Variants in PSD2 observed in about 807,000 individuals in gnomAD.
PSD2 encodes the protein pleckstrin and Sec7 domain containing 2, also known as PH and SEC7 domain-containing protein 2.
A neutral mutation model predicts 69.8 loss-of-function variants in PSD2; 38 were observed. The observed-to-expected ratio is 0.54, with a 90% confidence interval of 0.42 to 0.71. The LOEUF is 0.71. PSD2 is among the 30% of genes least tolerant of loss of function. The probability of loss-of-function intolerance (pLI) is 0.00; values close to 1 mark genes in which losing one functional copy is unlikely to be tolerated. For synonymous variants in PSD2, 412 were observed against 423.0 expected (o/e 0.97, Z 0.32); for missense variants, 943 against 1,014.5 (o/e 0.93, Z 0.96).
chr5:139,788,198 C>A, the PSD2 span, among the ~76,000 whole-genome samples: 3 of 150,484 alleles, frequency 2.0e-5, no homozygotes, highest in Non-Finnish European at 4.4e-5. Flanking sequence ...CGAACCCGTG[C>A]CCAGGCCTGG....
At chr5:139,797,802 T>A (rs1759567662) in intron 1 of PSD2, among the ~76,000 whole-genome samples, 1 of 152,178 alleles carries the variant, frequency 6.6e-6, no homozygotes, top group Admixed American at 6.5e-5. Flanking sequence ...GAGTGAGGAT[T>A]TGCACTTGGC....
chr5:139,743,238 C>A, the PSD2 span, among the ~76,000 whole-genome samples: 3 of 152,168 alleles, frequency 2.0e-5, no homozygotes, highest in African/African-American at 7.2e-5. Context: ...GGAGGCTCAC[C>A]AGCACCTTGC....
intron 7 of PSD2, among the ~76,000 whole-genome samples, chr5:139,831,014 C>T (rs1046873800): frequency 1.3e-5 from 2 of 151,914 alleles, no homozygotes; most frequent in African/African-American, 4.8e-5. Flanking sequence ...CTTCCTGTTA[C>T]TAAGAGAGCA....
At position 139,840,094 on chromosome 5, in the gene PSD2, G is replaced by T; in HGVS notation, c.2036G>T (p.Cys679Phe). ...ACTGCGGAGCTGGCCGAACACAGGT[G>T]TCACCCAGTCGAGAGGGGCATCAAG... ...QLTAELAEHR[C>F]HPVERGIKSK... Residue 679 changes from cysteine (C) to phenylalanine (F), a missense_variant, in exon 14 of 15, where the codon TGT becomes TTT. Cys to Phe is a radical substitution (Grantham distance 205). Coordinates refer to ENST00000274710, the MANE Select transcript of PSD2 (RefSeq NM_032289.4). 6.2e-7 allele frequency: 1 copy of T among 1,614,212 alleles called. No individual in the cohort carries two copies.
At chr5:139,769,669 A>T in the PSD2 span, among the ~76,000 whole-genome samples, 1 of 152,188 alleles carries the variant, frequency 6.6e-6, no homozygotes, top group Admixed American at 6.5e-5. Flanking sequence ...AGGTGAAGTG[A>T]GTCATAGATG....
chr5:139,754,607 G>A, the PSD2 span, among the ~76,000 whole-genome samples: 2 of 152,088 alleles, frequency 1.3e-5, no homozygotes, highest in Non-Finnish European at 2.9e-5. Flanking sequence ...TGAGGTGGGA[G>A]GATTGCTTGA....
chr5:139,767,203 C>T, the PSD2 span, among the ~76,000 whole-genome samples: 3 of 151,626 alleles, frequency 2.0e-5, no homozygotes, highest in Non-Finnish European at 4.4e-5. Flanking sequence ...CCGTGTTAGC[C>T]AGGATGGTCT....
At chr5:139,794,967 CT>C (rs1759482957), upstream of PSD2, among the ~76,000 whole-genome samples, 1 of 152,116 alleles carries the variant, frequency 6.6e-6, no homozygotes, top group Non-Finnish European at 1.5e-5. Context: ...TTGACTTGCC[CT>C]TGGGGAGACA....
At chr5:139,771,127 G>A in the PSD2 span, among the ~76,000 whole-genome samples, 11 of 152,156 alleles carry the variant, frequency 7.2e-5, no homozygotes, top group Admixed American at 1.3e-4. Flanking sequence ...ATATTTTAGC[G>A]CCTTTATTAT....
intron 7 of PSD2, among the ~76,000 whole-genome samples, chr5:139,831,142 T>C (rs1236315131): frequency 6.6e-6 from 1 of 152,172 alleles, no homozygotes; most frequent in East Asian, 1.9e-4. Flanking sequence ...GATTATATCT[T>C]CTGGCAGATT....
chr5:139,777,877 T>C, the PSD2 span, among the ~76,000 whole-genome samples: 1 of 152,194 alleles, frequency 6.6e-6, no homozygotes, highest in Admixed American at 6.5e-5. Flanking sequence ...AGGGAGATCC[T>C]GTCTCAAAAA....
In PSD2 at chr5:139,833,247, A is replaced by T. The variant is rs2126963047; in HGVS notation, c.1270-455A>T. ...GAGCACGGGATTTGGTTTCAGACAC[A>T]CTTGGCCTTTTCACTTCCTTGCCTT... On this transcript the variant is annotated intron_variant, in intron 7 of 14. Transcript: ENST00000274710. Among the ~76,000 whole-genome samples the T allele has an allele frequency of 3.9e-5, 6 of 152,168 alleles. No homozygotes were observed. In the Middle Eastern group the frequency reaches 0.014, roughly 345 times the overall value.
the PSD2 span, among the ~76,000 whole-genome samples, chr5:139,766,943 T>C: frequency 3.1e-4 from 36 of 116,174 alleles, 1 homozygote; most frequent in Non-Finnish European, 4.7e-4. Flanking sequence ...CTTTCTTTCT[T>C]TCTTTCTTTC....
At chr5:139,827,588 T>C (rs6892450) in intron 7 of PSD2, among the ~76,000 whole-genome samples, 44,795 of 152,056 alleles carry the variant, frequency 0.29, 7,286 homozygotes, top group African/African-American at 0.45. Context: ...CATTTTCACA[T>C]TGCTATAAAG....
At chr5:139,803,765 G>T (rs1012022368) in intron 1 of PSD2, among the ~76,000 whole-genome samples, 2 of 152,206 alleles carry the variant, frequency 1.3e-5, no homozygotes, top group African/African-American at 4.8e-5. Flanking sequence ...AGTTCCCTAG[G>T]CTCCTGGGTG....
chr5:139,806,248 T>A (rs1759803166), intron 1 of PSD2, among the ~76,000 whole-genome samples: 1 of 152,230 alleles, frequency 6.6e-6, no homozygotes, highest in Admixed American at 6.5e-5. Context: ...GTGGCCCAGC[T>A]GCACCCGCTC....
chr5:139,761,072 G>C, the PSD2 span, among the ~76,000 whole-genome samples: 1 of 152,182 alleles, frequency 6.6e-6, no homozygotes, highest in Admixed American at 6.5e-5. Context: ...TCTCAGGGAA[G>C]ATGTGTGAGA....
In PSD2 at chr5:139,809,785, C is replaced by T. The variant is rs1759912752; in HGVS notation, c.345C>T (p.Tyr115=). 1 of 1,614,166 alleles carries T rather than the reference C, an allele frequency of 6.2e-7. No individual in the cohort carries two copies. The highest frequency in any genetic ancestry group is 1.1e-5 in the South Asian group (1 of 91,082). Residue 115 remains tyrosine, a synonymous_variant, in exon 2 of 15, where the codon TAC becomes TAT. Transcript: ENST00000274710. The part of the protein sequence containing the change: ...AEGDNASRSL[Y]PDAEDPQLGL... ...GGGACAATGCTTCCAGGAGCCTCTA[C>T]CCAGATGCTGAGGACCCTCAGCTGG...
chr5:139,766,317 T>C, the PSD2 span, among the ~76,000 whole-genome samples: 2 of 152,184 alleles, frequency 1.3e-5, no homozygotes, highest in Admixed American at 1.3e-4. Context: ...AAGCCTTTCA[T>C]GGGATACTTG....
Sources: allele counts gnomAD v4.1 joint callset (sites outside exome capture counted in the v4.1 genomes callset), GRCh38; gene constraint gnomAD v4.1.1; transcripts MANE v1.5; gene names NCBI Gene and HGNC (gene_info 2026-07-23, HGNC 2026-07-21).